Variants in CNDP2 observed in about 807,000 individuals in gnomAD.
The protein encoded by CNDP2 is cytosolic non-specific dipeptidase.
A neutral mutation model predicts 55.0 loss-of-function variants in CNDP2; 38 were observed. The observed-to-expected ratio is 0.69, with a 90% confidence interval of 0.53 to 0.90. The LOEUF is 0.90. Ranked by LOEUF, CNDP2 falls within the 40% of genes least tolerant of loss-of-function variation. The pLI is 0.00. For synonymous variants in CNDP2, 241 were observed against 260.2 expected, an observed-to-expected ratio of 0.93 and a Z score of 0.71; for missense variants, 607 against 621.7, an observed-to-expected ratio of 0.98 and a Z score of 0.25.
At position 74,505,880 on chromosome 18, in the gene CNDP2, C is replaced by T. The variant is rs369483370; in HGVS notation, c.236C>T (p.Pro79Leu). ...LPDGSEIPLP[P>L]ILLGRLGSDP... ...GATGGCTCGGAGATCCCGCTCCCTC[C>T]TATTCTGCTCGGCAGGCTGGGCTCC... Residue 79 changes from proline to leucine, a missense_variant, in exon 4 of 12, where the codon CCT becomes CTT. Physicochemically the swap from Pro to Leu is moderately conservative, Grantham distance 98. Coordinates refer to ENST00000324262, the MANE Select transcript of CNDP2 (RefSeq NM_018235.3). 1 of 1,611,922 alleles carries T rather than the reference C, an allele frequency of 6.2e-7. No homozygotes were observed. The highest frequency in any genetic ancestry group is 8.5e-7 in the Non-Finnish European group (1 of 1,179,380).
In CNDP2 at chr18:74,501,523, A is replaced by G; in HGVS notation, c.204+51A>G. 1.9e-6 allele frequency: 3 copies of G among 1,548,434 alleles called. No homozygotes were observed. In the South Asian group the frequency reaches 3.6e-5, roughly 19 times the overall value. The stretch of plus-strand genomic sequence containing the variant: ...CAGGACCGTAGACAGATTCTGCCTG[A>G]GGGGTTGACAAGACGCCACAAGTTC... On this transcript the variant is annotated intron_variant, in intron 3 of 11. Coordinates refer to ENST00000324262, the MANE Select transcript of CNDP2 (RefSeq NM_018235.3).
chr18:74,517,609 T>C (rs548972705), intron 9 of CNDP2: 1 of 152,088 alleles, frequency 6.6e-6, no homozygotes, highest in South Asian at 2.1e-4. Context: ...GCAGGGGTGG[T>C]GTGTGCTCCC....
intron 6 of CNDP2, 127 bp downstream of exon 6, chr18:74,511,140 G>GC: frequency 1.4e-6 from 1 of 736,472 alleles, no homozygotes; most frequent in Non-Finnish European, 2.2e-6. Context: ...CTCACTTAGT[G>GC]CCCCAATTCC....
At chr18:74,516,726 C>T (rs1707358969) in intron 9 of CNDP2, 1 of 213,824 alleles carries the variant, frequency 4.7e-6, no homozygotes, top group African/African-American at 2.3e-5. Flanking sequence ...GTGGAGGGGA[C>T]TCTGGTGGCT....
chr18:74,497,629 A>G (rs972555514), intron 1 of CNDP2: 3 of 152,184 alleles, frequency 2.0e-5, no homozygotes, highest in African/African-American at 7.2e-5. Context: ...TACAAAAAAT[A>G]CAAAAATTAG....
At position 74,518,572 on chromosome 18, in the gene CNDP2, G is replaced by T; in HGVS notation, c.1142G>T (p.Gly381Val). 1 of 1,614,248 alleles carries T rather than the reference G, an allele frequency of 6.2e-7. No homozygotes were observed. The highest frequency in any genetic ancestry group is 8.5e-7 in the Non-Finnish European group (1 of 1,180,046). The change falls in exon 10 of 12, where the codon GGT (glycine) becomes GTT (valine). Residue 381 changes from glycine to valine, a missense_variant. Physicochemically the swap from Gly to Val is moderately radical, Grantham distance 109. Transcript: ENST00000324262. ...GAGTTCAAGGTGTACATGGGCCACG[G>T]TGGGAAGCCCTGGGTCTCCGACTTC... ...PNEFKVYMGH[G>V]GKPWVSDFSH...
At chr18:74,501,218 C>T in intron 2 of CNDP2, 111 bp from the exon 3 acceptor site, 1 of 1,476,936 alleles carries the variant, frequency 6.8e-7, no homozygotes, top group Non-Finnish European at 9.0e-7. Flanking sequence ...TCAGCCTGTT[C>T]AACTGCAGCA....
Position 74,518,547 on chromosome 18 carries a change from G to C in CNDP2, c.1117G>C (p.Glu373Gln), listed in dbSNP as rs766740569. The change falls in exon 10 of 12, where the codon GAG becomes CAG. Residue 373 changes from glutamate (E) to glutamine (Q), a missense_variant. Glu to Gln is a conservative substitution (Grantham distance 29). Coordinates refer to ENST00000324262, the MANE Select transcript of CNDP2 (RefSeq NM_018235.3). ...KKFAELRSPN[E>Q]FKVYMGHGGK... is the part of the protein sequence containing the mutation. ...GTTTGCTGAACTACGCAGCCCCAAT[G>C]AGTTCAAGGTGTACATGGGCCACGG... 1.2e-6 allele frequency: 2 copies of C among 1,614,208 alleles called. No homozygotes were observed. Among genetic ancestry groups the C allele is most frequent in the East Asian group, 4.5e-5 (2 of 44,874 alleles).
intron 3 of CNDP2, among the ~76,000 whole-genome samples, chr18:74,503,154 T>G (rs938917503): frequency 6.6e-6 from 1 of 151,894 alleles, no homozygotes; most frequent in African/African-American, 2.4e-5. Context: ...AATAGTTATA[T>G]TTACTTCGTT....
Position 74,520,517 on chromosome 18 carries a change from A to G in CNDP2, c.*449A>G, listed in dbSNP as rs971941931. On this transcript the variant is annotated 3_prime_UTR_variant, in exon 12 of 12. Transcript: ENST00000324262. ...AAAAAGTTTAAGAAATGAGCCAGACATGGTGGTGTATGCCTGTAGTCCCAG... is the reference window on the plus strand; with the variant it reads ...AAAAAGTTTAAGAAATGAGCCAGACGTGGTGGTGTATGCCTGTAGTCCCAG... 5.5e-6 allele frequency: 1 copy of G among 181,972 alleles called. No individual in the cohort carries two copies. The highest frequency in any genetic ancestry group is 1.1e-5 in the Non-Finnish European group (1 of 87,140). 11.3% of individuals were successfully genotyped at this position (181,972 alleles called of 1,614,324 possible). A position where few individuals can be genotyped will look rare whatever the true frequency, so the allele number is the denominator to read the frequency against.
At chr18:74,515,096 A>T (rs1979592229) in intron 8 of CNDP2, among the ~76,000 whole-genome samples, 1 of 152,188 alleles carries the variant, frequency 6.6e-6, no homozygotes. Flanking sequence ...ACAGATGGGC[A>T]GCAGGGTGAG....
chr18:74,511,044 T>G (rs1979325944), intron 6 of CNDP2, 31 bp downstream of exon 6: 1 of 1,580,136 alleles, frequency 6.3e-7, no homozygotes, highest in Admixed American at 1.7e-5. Context: ...GGTCACTTCT[T>G]TCTAACCCCT....
At chr18:74,516,440 G>A (rs769278939) in intron 9 of CNDP2, 48 bp downstream of exon 9, 57 of 1,536,284 alleles carry the variant, frequency 3.7e-5, no homozygotes, top group Non-Finnish European at 3.4e-5. Context: ...TACTGTGTCC[G>A]GGCAGAGACT....
intron 1 of CNDP2, 127 bp from the exon 2 acceptor site, chr18:74,499,755 C>A: frequency 4.5e-6 from 2 of 443,896 alleles, no homozygotes; most frequent in East Asian, 3.4e-5. Flanking sequence ...CAGCCTCTAA[C>A]TGGTTCCCAA....
At chr18:74,506,902 G>T (rs947004881) in intron 4 of CNDP2, among the ~76,000 whole-genome samples, 1 of 152,192 alleles carries the variant, frequency 6.6e-6, no homozygotes, top group Non-Finnish European at 1.5e-5. Flanking sequence ...GACCAGATGA[G>T]GAATCCTCCC....
intron 8 of CNDP2, among the ~76,000 whole-genome samples, chr18:74,515,188 C>T (rs1979597689): frequency 2.0e-5 from 3 of 152,126 alleles, no homozygotes; most frequent in East Asian, 1.9e-4. Flanking sequence ...ATGGTGAGCC[C>T]GGCCAGGATT....
intron 4 of CNDP2, among the ~76,000 whole-genome samples, chr18:74,506,823 G>A (rs902560342): frequency 6.6e-6 from 1 of 152,218 alleles, no homozygotes; most frequent in Non-Finnish European, 1.5e-5. Flanking sequence ...TTTTCTTCCT[G>A]TTCCTTCTGG....
chr18:74,508,523 G>A (rs1979158189), intron 4 of CNDP2: 1 of 283,586 alleles, frequency 3.5e-6, no homozygotes. Flanking sequence ...CTAAGCAGCT[G>A]GCTGCGACTC....
At position 74,510,975 on chromosome 18, in the gene CNDP2, A is replaced by G; in HGVS notation, c.619A>G (p.Thr207Ala). The change falls in exon 6 of 12, where the codon ACC becomes GCC. Residue 207 changes from threonine (T) to alanine (A), a missense_variant. Coordinates refer to ENST00000324262, the MANE Select transcript of CNDP2 (RefSeq NM_018235.3). The stretch of plus-strand genomic sequence containing the variant: ...GCTGGGAAAGAAGAAGCCCTGCATC[A>G]CCTACGGCCTCAGGGGCATTTGCTA... ...YWLGKKKPCI[T>A]YGLRGICYFF... 3 of 1,614,194 alleles carry G rather than the reference A, an allele frequency of 1.9e-6. No homozygotes were observed. The highest frequency in any genetic ancestry group is 2.5e-6 in the Non-Finnish European group (3 of 1,180,036).
Sources: gnomAD v4.1 joint callset for allele counts (sites outside exome capture counted in the v4.1 genomes callset) on GRCh38, gnomAD v4.1.1 for gene constraint, MANE v1.5 for transcripts, NCBI Gene and HGNC (gene_info 2026-07-23, HGNC 2026-07-21) for gene names.